RANBP3L: variants seen among roughly 807,000 people sequenced by gnomAD.
RANBP3L encodes RAN binding protein 3 like.
A neutral mutation model predicts 67.2 loss-of-function variants in RANBP3L; 56 were observed. That is an observed-to-expected ratio of 0.83 (90% CI 0.67 to 1.04). RANBP3L has a LOEUF of 1.04. Among genes scored for constraint, RANBP3L ranks in the 50% least tolerant of loss-of-function variants. The probability of loss-of-function intolerance (pLI) is 0.00; values close to 1 mark genes in which losing one functional copy is unlikely to be tolerated. For missense variants in RANBP3L, 496 were observed against 535.5 expected, an observed-to-expected ratio of 0.93 and a Z score of 0.73; for synonymous variants, 164 against 181.4, an observed-to-expected ratio of 0.90 and a Z score of 0.77.
chr5:36,297,017 C>T (rs1752264183), intron 1 of RANBP3L, among the ~76,000 whole-genome samples: 1 of 152,106 alleles, frequency 6.6e-6, no homozygotes, highest in South Asian at 2.1e-4. Context: ...CACCCTCTCT[C>T]TTCTCTCTCT....
At chr5:36,296,885 G>C in intron 1 of RANBP3L, among the ~76,000 whole-genome samples, 1 of 152,164 alleles carries the variant, frequency 6.6e-6, no homozygotes, top group South Asian at 2.1e-4. Context: ...ACCAAGAATG[G>C]ACTCAACTGC....
intron 1 of RANBP3L, among the ~76,000 whole-genome samples, chr5:36,292,223 C>T (rs1405332771): frequency 2.0e-5 from 3 of 152,076 alleles, no homozygotes; most frequent in Non-Finnish European, 4.4e-5. Flanking sequence ...TGTTCATGTC[C>T]TTCACCCACT....
At chr5:36,277,113 G>A (rs2111968038) in intron 1 of RANBP3L, among the ~76,000 whole-genome samples, 1 of 152,326 alleles carries the variant, frequency 6.6e-6, no homozygotes, top group Admixed American at 6.5e-5. Context: ...ATTGCTACCA[G>A]GACTGGAATT....
chr5:36,293,081 C>T (rs1751921702), intron 1 of RANBP3L, among the ~76,000 whole-genome samples: 1 of 114,172 alleles, frequency 8.8e-6, no homozygotes. Context: ...TTTCCTTGAG[C>T]AGTGGTTTGT....
chr5:36,301,561 C>T lies in RANBP3L; in HGVS notation c.-145G>A, dbSNP rs1752620800. The T allele has an allele frequency of 3.9e-6, 2 of 518,074 alleles. No individual in the cohort carries two copies. Among genetic ancestry groups the T allele is most frequent in the Non-Finnish European group, 6.9e-6 (2 of 288,280 alleles). The allele number at this position is 518,074 out of a possible 1,614,324, so 32.1% of individuals were successfully genotyped here. On this transcript the variant is annotated 5_prime_UTR_variant, in exon 1 of 14. An upstream open reading frame in the 5' UTR loses its in-frame stop. Transcript: ENST00000296604. ...TGCATGTACAACATATACTCCTCTA[C>T]TAAACTTCCAAGCTTTTTCCAGTCA...
chr5:36,257,269 T>G (rs1228327964), intron 9 of RANBP3L, among the ~76,000 whole-genome samples, 185 bp downstream of exon 9: 1 of 152,066 alleles, frequency 6.6e-6, no homozygotes, highest in Non-Finnish European at 1.5e-5. Flanking sequence ...TTTTAAAGCT[T>G]ATATATCAGA....
intron 1 of RANBP3L, among the ~76,000 whole-genome samples, chr5:36,278,171 C>T (rs1432704701): frequency 6.6e-6 from 1 of 152,118 alleles, no homozygotes; most frequent in African/African-American, 2.4e-5. Flanking sequence ...CCTCATTCTT[C>T]CCCAAAAGTC....
intron 4 of RANBP3L, among the ~76,000 whole-genome samples, chr5:36,269,111 A>G (rs1436186809): frequency 2.0e-5 from 3 of 152,212 alleles, no homozygotes; most frequent in Non-Finnish European, 2.9e-5. Context: ...CATGGGGTAC[A>G]GGGAGGAGAC....
chr5:36,255,668 TTA>T (rs1579676827), intron 10 of RANBP3L, 78 bp from the exon 11 acceptor site: 1 of 935,052 alleles, frequency 1.1e-6, no homozygotes, highest in Non-Finnish European at 1.6e-6. Flanking sequence ...TATGACACGT[TTA>T]TATGTGTCTA....
chr5:36,261,985 C>T lies in RANBP3L; in HGVS notation c.538G>A (p.Val180Ile). 1 of 1,607,564 alleles carries T rather than the reference C, an allele frequency of 6.2e-7. No homozygotes were observed. Among genetic ancestry groups the T allele is most frequent in the Non-Finnish European group, 8.5e-7 (1 of 1,174,814 alleles). The stretch of plus-strand genomic sequence containing the variant: ...AAGTCCTGGTTAGTAGACAGCTGGA[C>T]TGAAATTCTAGCCCTTGATAAATTT... ...SENLSRARIS[V>I]QLSTNQDFLG... is the part of the protein sequence containing the mutation. The change falls in exon 7 of 14, where the codon GTC becomes ATC. Residue 180 changes from valine to isoleucine, a missense_variant. Transcript: ENST00000296604.
Position 36,265,526 on chromosome 5 carries a change from A to G in RANBP3L, c.269-6T>C, listed in dbSNP as rs1749700795. ...AAAAACATTGTTTTTCCTCACTGTA[A>G]GAAAAAATATTTAAATTTTTTTAAA... On this transcript the variant is annotated splice_polypyrimidine_tract_variant and splice_region_variant and intron_variant, in intron 4 of 13. Coordinates refer to ENST00000296604, the MANE Select transcript of RANBP3L (RefSeq NM_145000.5). 1 of 1,562,892 alleles carries G rather than the reference A, an allele frequency of 6.4e-7. No homozygotes were observed. The highest frequency in any genetic ancestry group is 1.4e-5 in the African/African-American group (1 of 73,242).
intron 1 of RANBP3L, among the ~76,000 whole-genome samples, chr5:36,288,940 T>C (rs1223302291): frequency 6.6e-6 from 1 of 152,176 alleles, no homozygotes; most frequent in African/African-American, 2.4e-5. Context: ...ATGTTTAATA[T>C]TGATAGTCTA....
chr5:36,271,356 A>G (rs1210281592), intron 1 of RANBP3L, 45 bp from the exon 2 acceptor site: 25 of 1,153,764 alleles, frequency 2.2e-5, no homozygotes, highest in Non-Finnish European at 3.1e-5. Context: ...GCATACTCTG[A>G]CATTTCTTAC....
chr5:36,257,544 GT>G lies in RANBP3L; in HGVS notation c.681del (p.Lys227AsnfsTer29). 9 of 1,537,978 alleles carry G rather than the reference GT, an allele frequency of 5.9e-6. No individual in the cohort carries two copies. The highest frequency in any genetic ancestry group is 1.7e-5 in the Admixed American group (1 of 57,784). On this transcript the variant is annotated frameshift_variant, in exon 9 of 14. Transcript: ENST00000296604. LOFTEE classifies it high-confidence loss of function. The part of the protein sequence containing the change: ...NMVERVLGTQ[K>X]LTQPQLENDS... ...TCATTTTCAAGTTGAGGCTGGGTGA[GT>G]TTTTGAGTACCCTGAGAGCGGAAAA... is the stretch of plus-strand genomic sequence containing the variant.
At position 36,248,880 on chromosome 5, in the gene RANBP3L, A is replaced by C. The variant is rs1748422934; in HGVS notation, c.*774T>G. 6.6e-6 allele frequency: 1 copy of C among 152,178 alleles called. No homozygotes were observed. Among genetic ancestry groups the C allele is most frequent in the Non-Finnish European group, 1.5e-5 (1 of 67,990 alleles). 9.4% of individuals were successfully genotyped at this position (152,178 alleles called of 1,614,324 possible). A position where few individuals can be genotyped will look rare whatever the true frequency, so the allele number is the denominator to read the frequency against. ...AAGAAAAAGATTCATTTGGCTACATATGATACATTTGTTTTTCTATACAGC... is the reference window on the plus strand; with the variant it reads ...AAGAAAAAGATTCATTTGGCTACATCTGATACATTTGTTTTTCTATACAGC... On this transcript the variant is annotated 3_prime_UTR_variant, in exon 14 of 14. Coordinates refer to ENST00000296604, the MANE Select transcript of RANBP3L (RefSeq NM_145000.5).
intron 1 of RANBP3L, among the ~76,000 whole-genome samples, chr5:36,285,276 G>A (rs1751241961): frequency 6.6e-6 from 1 of 152,154 alleles, no homozygotes; most frequent in Non-Finnish European, 1.5e-5. Flanking sequence ...ATAATTCTTG[G>A]CAAATCTCAG....
chr5:36,271,420 T>C, intron 1 of RANBP3L, 109 bp from the exon 2 acceptor site: 1 of 718,482 alleles, frequency 1.4e-6, no homozygotes, highest in African/African-American at 1.8e-5. Flanking sequence ...TTCTCTGCAT[T>C]TGGGTAAAAG....
In RANBP3L at chr5:36,249,702, G is replaced by A; in HGVS notation, c.1355-5C>T. On this transcript the variant is annotated splice_polypyrimidine_tract_variant and splice_region_variant and intron_variant, in intron 13 of 13. Transcript: ENST00000296604. ...TGTGAGTCCAACTAGAAGGATCTGT[G>A]ATATAAATTTAAAATGTTTTATTAT... 2.0e-6 allele frequency: 3 copies of A among 1,517,136 alleles called. No homozygotes were observed. The highest frequency in any genetic ancestry group is 2.7e-6 in the Non-Finnish European group (3 of 1,107,478). 94.0% of individuals were successfully genotyped at this position (1,517,136 alleles called of 1,614,324 possible).
intron 4 of RANBP3L, 121 bp downstream of exon 4, chr5:36,269,269 T>C (rs370790166): frequency 1.5e-6 from 1 of 650,930 alleles, no homozygotes. Context: ...CACGTAACAA[T>C]ATATTATAAA....
Sources: allele counts gnomAD v4.1 joint callset (sites outside exome capture counted in the v4.1 genomes callset), GRCh38; gene constraint gnomAD v4.1.1; transcripts MANE v1.5; gene names NCBI Gene and HGNC (gene_info 2026-07-23, HGNC 2026-07-21).